The following LRRC7 variants were observed in gnomAD, a reference collection of about 807,000 sequenced individuals.
The protein encoded by LRRC7 is leucine rich repeat containing 7, also known as leucine-rich repeat-containing protein 7.
LRRC7 carries 23 observed loss-of-function variants against 175.7 expected under a neutral mutation model. The ratio of observed to expected loss-of-function variants is 0.13; its 90% CI spans 0.09 to 0.19. The LOEUF is 0.19. LRRC7 is among the 10% of genes least tolerant of loss of function. The pLI is 1.00. For missense variants in LRRC7, 1,354 were observed against 1,904.7 expected, an observed-to-expected ratio of 0.71 and a Z score of 5.38; for synonymous variants, 685 against 680.9, an observed-to-expected ratio of 1.01 and a Z score of -0.09.
At chr1:69,963,425 A>G (rs975434195) in intron 8 of LRRC7, among the ~76,000 whole-genome samples, 1 of 152,170 alleles carries the variant, frequency 6.6e-6, no homozygotes, top group Admixed American at 6.5e-5. Context: ...TTCAGGCTGG[A>G]GGGAACAGTG....
chr1:69,975,720 G>T (rs187228720), intron 8 of LRRC7, among the ~76,000 whole-genome samples: 1 of 152,194 alleles, frequency 6.6e-6, no homozygotes, highest in Admixed American at 6.5e-5. Context: ...GAGATCTTCA[G>T]AAATGCCTCC....
chr1:69,631,810 A>C (rs1652549413), intron 1 of LRRC7, among the ~76,000 whole-genome samples: 1 of 152,090 alleles, frequency 6.6e-6, no homozygotes, highest in Non-Finnish European at 1.5e-5. Flanking sequence ...GCTGCTTGAT[A>C]AACTCAAACT....
At chr1:69,664,688 TATA>T (rs1658015835) in intron 1 of LRRC7, among the ~76,000 whole-genome samples, 1 of 152,244 alleles carries the variant, frequency 6.6e-6, no homozygotes, top group African/African-American at 2.4e-5. Context: ...GAGTTCATTA[TATA>T]ATCTGGTTAT....
Position 70,125,752 on chromosome 1 carries a change from A to T in LRRC7, c.*3865A>T, listed in dbSNP as rs544895255. On this transcript the variant is annotated 3_prime_UTR_variant, in exon 27 of 27. Coordinates refer to ENST00000651989, the MANE Select transcript of LRRC7 (RefSeq NM_001370785.2). Reference sequence around the variant, plus strand: ...GCTTGCAGTGAGCCGAGATCCCGCCACTGCACTCCAGCCTGGGCGACAGAG... The same window carrying T: ...GCTTGCAGTGAGCCGAGATCCCGCCTCTGCACTCCAGCCTGGGCGACAGAG... Among the ~76,000 whole-genome samples the T allele has an allele frequency of 0.025, 3,371 of 135,232 alleles. 109 individuals carry two copies. The highest frequency in any genetic ancestry group is 0.07 in the African/African-American group (2,499 of 35,604). 88.7% of individuals were successfully genotyped at this position (135,232 alleles called of 152,430 possible).
At chr1:69,583,900 T>C (rs1646299965) in intron 1 of LRRC7, among the ~76,000 whole-genome samples, 2 of 152,104 alleles carry the variant, frequency 1.3e-5, no homozygotes, top group African/African-American at 4.8e-5. Context: ...ATGCAAGGCC[T>C]CTCCAAGACA....
chr1:69,592,176 A>T (rs1245045), intron 1 of LRRC7, among the ~76,000 whole-genome samples: 1 of 151,878 alleles, frequency 6.6e-6, no homozygotes, highest in Non-Finnish European at 1.5e-5. Context: ...CCTCCCTCAC[A>T]CACATATACA....
chr1:70,035,062 AT>A (rs1222815039), intron 18 of LRRC7, among the ~76,000 whole-genome samples: 2 of 152,064 alleles, frequency 1.3e-5, no homozygotes, highest in Non-Finnish European at 2.9e-5. Flanking sequence ...CCTCAAGTAT[AT>A]TTTTTTCTCT....
At chr1:69,992,632 T>C (rs943932061) in intron 10 of LRRC7, among the ~76,000 whole-genome samples, 2 of 152,178 alleles carry the variant, frequency 1.3e-5, no homozygotes, top group African/African-American at 4.8e-5. Flanking sequence ...ATATGAGTGT[T>C]GGCAAAATAG....
At chr1:69,628,322 T>C (rs1352688647) in intron 1 of LRRC7, among the ~76,000 whole-genome samples, 1 of 152,148 alleles carries the variant, frequency 6.6e-6, no homozygotes, top group Admixed American at 6.6e-5. Flanking sequence ...TCAGTTGCTT[T>C]TTTATATACA....
At chr1:70,049,451 C>T (rs17131161) in intron 22 of LRRC7, among the ~76,000 whole-genome samples, 19,471 of 152,018 alleles carry the variant, frequency 0.13, 1,718 homozygotes, top group African/African-American at 0.24. Context: ...GCAAGATTTA[C>T]GCTGCACCTC....
intron 7 of LRRC7, among the ~76,000 whole-genome samples, chr1:69,903,048 A>G (rs1646183524): frequency 6.6e-6 from 1 of 152,214 alleles, no homozygotes; most frequent in South Asian, 2.1e-4. Flanking sequence ...GCCAATTGAT[A>G]ATAGTCATTT....
intron 7 of LRRC7, among the ~76,000 whole-genome samples, chr1:69,890,768 G>A (rs1325656170): frequency 1.3e-5 from 2 of 152,202 alleles, no homozygotes; most frequent in Admixed American, 1.3e-4. Flanking sequence ...ATTCACTGCA[G>A]CTTCTACATC....
intron 7 of LRRC7, among the ~76,000 whole-genome samples, chr1:69,848,577 T>C (rs1682624893): frequency 6.6e-6 from 1 of 152,106 alleles, no homozygotes; most frequent in Non-Finnish European, 1.5e-5. Flanking sequence ...TTATTGATAG[T>C]TGGTTCAATA....
chr1:69,896,573 C>A (rs541594897), intron 7 of LRRC7, among the ~76,000 whole-genome samples: 1 of 152,248 alleles, frequency 6.6e-6, no homozygotes, highest in African/African-American at 2.4e-5. Context: ...GTGGCTAGAT[C>A]TAGATGATTC....
At chr1:69,764,495 C>A (rs1213007065) in intron 3 of LRRC7, among the ~76,000 whole-genome samples, 2 of 151,872 alleles carry the variant, frequency 1.3e-5, no homozygotes, top group African/African-American at 4.8e-5. Context: ...ATTTTAAGCA[C>A]CATACTTTCA....
In LRRC7 at chr1:70,140,366, C is replaced by T. The variant is rs758453039; in HGVS notation, c.*18479C>T. The stretch of plus-strand genomic sequence containing the variant: ...CACCTCAGCCCCCTAGGACCAGCTA[C>T]TGGTAAGTCATTTTGTCCATTTTCA... On this transcript the variant is annotated 3_prime_UTR_variant, in exon 27 of 27. Transcript: ENST00000651989. The T allele has an allele frequency of 1.3e-5, 2 of 152,160 alleles. No homozygotes were observed. Among genetic ancestry groups the T allele is most frequent in the Non-Finnish European group, 2.9e-5 (2 of 68,016 alleles). 9.4% of individuals were successfully genotyped at this position (152,160 alleles called of 1,614,324 possible). A position where few individuals can be genotyped will look rare whatever the true frequency, so the allele number is the denominator to read the frequency against.
At chr1:70,092,155 A>T (rs1452828782) in intron 25 of LRRC7, among the ~76,000 whole-genome samples, 2 of 152,174 alleles carry the variant, frequency 1.3e-5, no homozygotes, top group Non-Finnish European at 2.9e-5. Flanking sequence ...TAAAATTTAG[A>T]GTAGAACCCA....
At chr1:69,906,357 T>A (rs1271153649) in intron 7 of LRRC7, among the ~76,000 whole-genome samples, 1 of 152,204 alleles carries the variant, frequency 6.6e-6, no homozygotes, top group Non-Finnish European at 1.5e-5. Context: ...TGAATAGTAT[T>A]GCCTAGGTTT....
intron 2 of LRRC7, among the ~76,000 whole-genome samples, chr1:69,745,255 G>A (rs1006299265): frequency 6.6e-6 from 1 of 151,776 alleles, no homozygotes; most frequent in African/African-American, 2.4e-5. Flanking sequence ...TAAATCAAAG[G>A]CATAACAAAT....
Sources: allele counts gnomAD v4.1 joint callset (sites outside exome capture counted in the v4.1 genomes callset), GRCh38; gene constraint gnomAD v4.1.1; transcripts MANE v1.5; gene names NCBI Gene and HGNC (gene_info 2026-07-23, HGNC 2026-07-21).